The following RBFOX2 variants were observed in gnomAD, a reference collection of about 807,000 sequenced individuals.
The protein encoded by RBFOX2 is RNA binding protein fox-1 homolog 2.
RBFOX2 carries 10 observed loss-of-function variants against 49.1 expected under a neutral mutation model. The ratio of observed to expected loss-of-function variants is 0.20; its 90% confidence interval spans 0.13 to 0.35. The LOEUF (loss-of-function observed/expected upper bound fraction) is 0.35. RBFOX2 is among the 10% of genes least tolerant of loss of function. The pLI is 1.00. For synonymous variants in RBFOX2, 183 were observed against 187.4 expected (o/e 0.98, Z 0.19); for missense variants, 323 against 486.9 (o/e 0.66, Z 3.17).
At chr22:35,826,212 C>T (rs1955683643) in intron 1 of RBFOX2, among the ~76,000 whole-genome samples, 1 of 151,162 alleles carries the variant, frequency 6.6e-6, no homozygotes, top group Non-Finnish European at 1.5e-5. Flanking sequence ...CTTGGTGGCG[C>T]ATGTCTGTAA....
intron 1 of RBFOX2, among the ~76,000 whole-genome samples, chr22:35,878,076 ACACG>A (rs896451103): frequency 2.7e-5 from 4 of 148,162 alleles, no homozygotes; most frequent in African/African-American, 1.0e-4. Context: ...ACACACACAC[ACACG>A]GAGTTTGTTT....
In RBFOX2 at chr22:36,014,187, TCGCGGCTCACTGCAAGCTCCGC is replaced by T. The variant is rs1202438752; in HGVS notation, c.186+14031_186+14052del. On this transcript the variant is annotated intron_variant, in intron 1 of 13. Transcript: ENST00000438146. ...CCCAGGCTGGAGTGCAGTGGCGCAA[TCGCGGCTCACTGCAAGCTCCGC>T]CTCCTGGGTTCACGCCATTCTCCTG... Among the ~76,000 whole-genome samples, 207 of 151,682 alleles carry T rather than the reference TCGCGGCTCACTGCAAGCTCCGC, an allele frequency of 1.4e-3. 3 individuals carry two copies. The highest frequency in any genetic ancestry group is 3.2e-4 in the Non-Finnish European group (22 of 67,912).
intron 1 of RBFOX2, among the ~76,000 whole-genome samples, chr22:35,952,067 G>A (rs980793008): frequency 6.6e-6 from 1 of 152,216 alleles, no homozygotes; most frequent in Non-Finnish European, 1.5e-5. Flanking sequence ...TTGTGCTAGG[G>A]TTAGGGTGCT....
intron 5 of RBFOX2, 70 bp from the exon 7 acceptor site, chr22:35,765,553 C>T: frequency 1.2e-6 from 1 of 838,070 alleles, no homozygotes; most frequent in South Asian, 2.0e-5. Flanking sequence ...AGTTGCACAT[C>T]CAATAACAGA....
intron 1 of RBFOX2, among the ~76,000 whole-genome samples, chr22:36,001,579 G>A (rs2058427319): frequency 6.6e-6 from 1 of 152,068 alleles, no homozygotes; most frequent in Non-Finnish European, 1.5e-5. Context: ...GGGCAACATA[G>A]CAAGACCCTG....
At chr22:35,768,684 C>T (rs772511898) in intron 4 of RBFOX2, among the ~76,000 whole-genome samples, 1 of 152,130 alleles carries the variant, frequency 6.6e-6, no homozygotes. Context: ...AATGCCCTAC[C>T]TTTCTCTCTC....
At chr22:35,971,009 T>G (rs1291923748) in intron 1 of RBFOX2, among the ~76,000 whole-genome samples, 1 of 152,022 alleles carries the variant, frequency 6.6e-6, no homozygotes, top group Non-Finnish European at 1.5e-5. Context: ...ATATATAAAA[T>G]ATATCCCTGG....
At chr22:36,014,356 C>T (rs1483105043) in intron 1 of RBFOX2, among the ~76,000 whole-genome samples, 13 of 152,058 alleles carry the variant, frequency 8.5e-5, no homozygotes, top group African/African-American at 3.1e-4. Context: ...GTGATCCGCC[C>T]GCCTCAGCCT....
At chr22:36,017,294 C>T (rs747630063) in intron 1 of RBFOX2, among the ~76,000 whole-genome samples, 1 of 151,998 alleles carries the variant, frequency 6.6e-6, no homozygotes, top group African/African-American at 2.4e-5. Flanking sequence ...CTTTGCAAGC[C>T]GAGGCGGGTG....
intron 1 of RBFOX2, among the ~76,000 whole-genome samples, chr22:35,871,556 T>C (rs865966298): frequency 7.9e-5 from 12 of 152,222 alleles, no homozygotes; most frequent in African/African-American, 2.9e-4. Context: ...GTCTTAAGAA[T>C]ATATCAGACT....
chr22:36,009,577 C>T (rs1455001931), intron 1 of RBFOX2, among the ~76,000 whole-genome samples: 2 of 151,950 alleles, frequency 1.3e-5, no homozygotes, highest in African/African-American at 4.8e-5. Flanking sequence ...TTTGTAAAGG[C>T]GGGGTTTCAC....
intron 1 of RBFOX2, among the ~76,000 whole-genome samples, chr22:35,877,415 T>G (rs747749916): frequency 3.3e-5 from 5 of 152,192 alleles, no homozygotes; most frequent in Non-Finnish European, 7.3e-5. Context: ...ATACCCATGA[T>G]ATTTTTAAAG....
rs528813832 is a variant in RBFOX2, at chr22:35,877,645, A to C, written c.-34+61202T>G. On this transcript the variant is annotated intron_variant, in intron 1 of 13. Transcript: ENST00000359369. ...ATATTATGTTATTCTCATTTTACAG[A>C]TGAGAAAGCATGGTAACTTATCCAA... Among the ~76,000 whole-genome samples, 3 of 152,318 alleles carry C rather than the reference A, an allele frequency of 2.0e-5. No homozygotes were observed. The South Asian group carries it at 6.2e-4, about 32-fold the overall frequency.
upstream of RBFOX2, among the ~76,000 whole-genome samples, chr22:35,961,951 G>C (rs551162734): frequency 3.6e-4 from 55 of 152,246 alleles, no homozygotes; most frequent in African/African-American, 1.2e-3. Flanking sequence ...GATATCTGCT[G>C]AGCATTAAAA....
intron 1 of RBFOX2, among the ~76,000 whole-genome samples, chr22:36,024,597 G>A (rs377007265): frequency 4.0e-5 from 6 of 151,456 alleles, no homozygotes; most frequent in East Asian, 4.0e-4. Context: ...AAAAATTAGC[G>A]GGGTGTGGTG....
intron 6 of RBFOX2, among the ~76,000 whole-genome samples, chr22:35,764,465 T>C (rs1414883623): frequency 6.6e-6 from 1 of 151,504 alleles, no homozygotes; most frequent in Non-Finnish European, 1.5e-5. Flanking sequence ...GCGCCTGTAG[T>C]CCCAGCTACT....
intron 1 of RBFOX2, among the ~76,000 whole-genome samples, chr22:35,871,833 C>A (rs1321081427): frequency 6.6e-6 from 1 of 152,126 alleles, no homozygotes; most frequent in Non-Finnish European, 1.5e-5. Flanking sequence ...TAATGTTTAA[C>A]CCCTGGTACA....
At chr22:35,753,806 G>A (rs1282181775) in intron 9 of RBFOX2, among the ~76,000 whole-genome samples, 2 of 106,180 alleles carry the variant, frequency 1.9e-5, no homozygotes, top group Non-Finnish European at 3.5e-5. Flanking sequence ...TTTTTGAGAC[G>A]AAGTCTAGCT....
intron 1 of RBFOX2, among the ~76,000 whole-genome samples, chr22:35,987,144 G>A (rs935705456): frequency 2.0e-5 from 3 of 151,864 alleles, no homozygotes; most frequent in South Asian, 2.1e-4. Context: ...CACAATACTC[G>A]CTGATGCAAA....
Sources: gnomAD v4.1 joint callset for allele counts (sites outside exome capture counted in the v4.1 genomes callset) on GRCh38, gnomAD v4.1.1 for gene constraint, MANE v1.5 for transcripts, NCBI Gene and HGNC (gene_info 2026-07-23, HGNC 2026-07-21) for gene names.